GLCCI1: variants seen among roughly 807,000 people sequenced by gnomAD.
The protein encoded by GLCCI1 is glucocorticoid induced 1.
Under a neutral mutation model 52.2 loss-of-function variants are expected in GLCCI1, and 24 were observed. That is an observed-to-expected ratio of 0.46 (90% CI 0.33 to 0.65). GLCCI1 has a LOEUF of 0.65. Ranked by LOEUF, GLCCI1 falls within the 30% of genes least tolerant of loss-of-function variation. GLCCI1 has a pLI of 0.02. For synonymous variants in GLCCI1, 310 were observed against 276.5 expected, an observed-to-expected ratio of 1.12 and a Z score of -1.20; for missense variants, 704 against 701.5, an observed-to-expected ratio of 1.00 and a Z score of -0.04.
intron 1 of GLCCI1, among the ~76,000 whole-genome samples, chr7:7,978,871 A>G (rs1190229186): frequency 6.6e-6 from 1 of 152,202 alleles, no homozygotes; most frequent in Non-Finnish European, 1.5e-5. Flanking sequence ...TGATCTTTCT[A>G]TGAAGGTACA....
chr7:7,996,402 C>G (rs1398371676), intron 1 of GLCCI1, among the ~76,000 whole-genome samples: 2 of 151,858 alleles, frequency 1.3e-5, no homozygotes, highest in African/African-American at 4.8e-5. Context: ...AATCTTTTGC[C>G]ATATATGTAA....
At chr7:8,030,793 A>G (rs909369149) in intron 3 of GLCCI1, among the ~76,000 whole-genome samples, 12 of 152,168 alleles carry the variant, frequency 7.9e-5, no homozygotes, top group Non-Finnish European at 1.6e-4. Flanking sequence ...GGTGCTCAGC[A>G]TCATTGATTA....
intron 1 of GLCCI1, among the ~76,000 whole-genome samples, chr7:7,998,381 A>T (rs1027145429): frequency 7.2e-5 from 11 of 151,962 alleles, no homozygotes; most frequent in African/African-American, 2.7e-4. Context: ...ACGCCCAGCT[A>T]ATTTTTGTAC....
intron 1 of GLCCI1, among the ~76,000 whole-genome samples, chr7:7,998,311 G>A (rs1780983626): frequency 2.0e-5 from 3 of 151,882 alleles, no homozygotes; most frequent in Non-Finnish European, 2.9e-5. Flanking sequence ...CCGCCTTTCG[G>A]GTCAAGCAAT....
chr7:7,985,334 A>G lies in GLCCI1; in HGVS notation c.457+15527A>G, dbSNP rs184182947. Among the ~76,000 whole-genome samples the G allele has an allele frequency of 1.4e-4, 21 of 152,290 alleles. No individual in the cohort carries two copies. In the East Asian group the frequency reaches 2.9e-3, roughly 21 times the overall value. On this transcript the variant is annotated intron_variant, in intron 1 of 7. Transcript: ENST00000223145. ...AGTTCACATTCCTTTTTCAGCAATC[A>G]CTGGATAATCCCTGGCTCCTGACAT...
intron 1 of GLCCI1, among the ~76,000 whole-genome samples, chr7:7,996,510 A>T (rs1033550906): frequency 6.6e-6 from 1 of 152,056 alleles, no homozygotes; most frequent in Non-Finnish European, 1.5e-5. Context: ...CATATTAGTG[A>T]AGTTTTCTTT....
In GLCCI1 at chr7:8,022,567, G is replaced by C; in HGVS notation, c.694G>C (p.Glu232Gln). Reference sequence around the variant, plus strand: ...ATGGGGGAGTGCTGATCAACTAAAAGAGGTAAGTTATTTCTGTTTTCCGTC... The same window carrying C: ...ATGGGGGAGTGCTGATCAACTAAAACAGGTAAGTTATTTCTGTTTTCCGTC... ...ASWGSADQLKEQIAKLRQQLQ... is the reference protein window; with the variant it reads ...ASWGSADQLKQQIAKLRQQLQ... Residue 232 changes from glutamate (E) to glutamine (Q), a missense_variant and splice_region_variant, in exon 3 of 8, where the codon GAG (glutamate) becomes CAG (glutamine). Physicochemically the swap from Glu to Gln is conservative, Grantham distance 29 (BLOSUM62 2). This residue lies in a region of GLCCI1 where 547 missense variants were observed against 524.8 expected (regional missense o/e 1.04). Transcript: ENST00000223145. 6.4e-7 allele frequency: 1 copy of C among 1,558,276 alleles called. No homozygotes were observed. The highest frequency in any genetic ancestry group is 1.4e-5 in the African/African-American group (1 of 72,268).
At chr7:8,072,417 G>A (rs1584020590) in intron 6 of GLCCI1, among the ~76,000 whole-genome samples, 1 of 152,064 alleles carries the variant, frequency 6.6e-6, no homozygotes, top group African/African-American at 2.4e-5. Flanking sequence ...CCTTCATTAA[G>A]GATATATTGA....
At position 7,969,559 on chromosome 7, in the gene GLCCI1, A is replaced by C; in HGVS notation, c.209A>C (p.Tyr70Ser). Residue 70 changes from tyrosine (Y) to serine (S), a missense_variant, in exon 1 of 8, where the codon TAC (tyrosine) becomes TCC (serine). Physicochemically the swap from Tyr to Ser is moderately radical, Grantham distance 144. Coordinates refer to ENST00000223145, the MANE Select transcript of GLCCI1 (RefSeq NM_138426.4). This position sits in a 1 kb window ranked among gnomAD's most constrained non-coding sequence, Gnocchi z 4.9. ...CAGCCCATCCGCGCCACGGTGCCCT[A>C]CCAGCTCTTGCGGGGCAGCCAGCAC... ...LLQPIRATVP[Y>S]QLLRGSQHSP... The C allele has an allele frequency of 1.0e-6, 1 of 1,003,650 alleles. No individual in the cohort carries two copies. Among genetic ancestry groups the C allele is most frequent in the Non-Finnish European group, 1.2e-6 (1 of 843,476 alleles). The allele number at this position is 1,003,650 out of a possible 1,614,324, so 62.2% of individuals were successfully genotyped here.
Position 8,042,624 on chromosome 7 carries a change from C to T in GLCCI1, c.697-12809C>T, listed in dbSNP as rs563847688. Among the ~76,000 whole-genome samples the T allele has an allele frequency of 2.6e-5, 4 of 152,302 alleles. No individual in the cohort carries two copies. The South Asian group carries it at 8.3e-4, about 32-fold the overall frequency. Reference sequence around the variant, plus strand: ...TTGAGACCAGGGCAACATAGCAAGACCCTGTCTCTTTGAAAAATAGAAGTG... The same window carrying T: ...TTGAGACCAGGGCAACATAGCAAGATCCTGTCTCTTTGAAAAATAGAAGTG... On this transcript the variant is annotated intron_variant, in intron 3 of 7. Coordinates refer to ENST00000223145, the MANE Select transcript of GLCCI1 (RefSeq NM_138426.4).
In GLCCI1 at chr7:8,055,625, TA is replaced by T; in HGVS notation, c.813+83del. On this transcript the variant is annotated intron_variant, in intron 4 of 7. Transcript: ENST00000223145. ...GAAGGGAATTCATCATTTCAGCATTTAAAAAAACCCATAAATATTTAGCTCT... is the reference window on the plus strand; with the variant it reads ...GAAGGGAATTCATCATTTCAGCATTTAAAAAACCCATAAATATTTAGCTCT... 3.5e-6 allele frequency: 3 copies of T among 857,896 alleles called. No homozygotes were observed. In the South Asian group the frequency reaches 4.3e-5, roughly 12 times the overall value. The allele number at this position is 857,896 out of a possible 1,614,324, so 53.1% of individuals were successfully genotyped here.
intron 3 of GLCCI1, among the ~76,000 whole-genome samples, chr7:8,022,999 G>A (rs1043521867): frequency 1.3e-5 from 2 of 152,116 alleles, no homozygotes; most frequent in Non-Finnish European, 2.9e-5. Flanking sequence ...ACAATGGTAG[G>A]ATAGTGTTTT....
intron 4 of GLCCI1, among the ~76,000 whole-genome samples, chr7:8,058,644 A>G (rs1418805521): frequency 2.6e-5 from 4 of 152,228 alleles, no homozygotes; most frequent in Non-Finnish European, 4.4e-5. Context: ...AAAGTAAATC[A>G]TGATAGGTTA....
intron 3 of GLCCI1, among the ~76,000 whole-genome samples, chr7:8,046,682 G>A (rs1371778471): frequency 3.3e-5 from 5 of 152,114 alleles, no homozygotes; most frequent in Admixed American, 1.3e-4. Context: ...CTGAACCAAT[G>A]TATATCTCAA....
rs369164952 is a variant in GLCCI1 at position 8,060,268 on chromosome 7, T to A, written c.966+20T>A. 2 of 1,588,592 alleles carry A rather than the reference T, an allele frequency of 1.3e-6. No individual in the cohort carries two copies. ...TCCAAGGTAAGGTTACATGGGATATTTGAATCCTTTTTTTCTCTGATATAA... is the reference window on the plus strand; with the variant it reads ...TCCAAGGTAAGGTTACATGGGATATATGAATCCTTTTTTTCTCTGATATAA... On this transcript the variant is annotated intron_variant, in intron 5 of 7. Transcript: ENST00000223145.
intron 2 of GLCCI1, among the ~76,000 whole-genome samples, chr7:8,009,371 A>T (rs1362489597): frequency 1.3e-5 from 2 of 152,222 alleles, no homozygotes; most frequent in South Asian, 4.1e-4. Context: ...TTTAAATGCG[A>T]AAGTAATATA....
Position 7,969,265 on chromosome 7 carries a change from C to T in GLCCI1, c.-86C>T, listed in dbSNP as rs1309314697. ...CCTCCCCCTTACACACTCGCACGCA[C>T]TATCGCGCCGGCTCCCACACGCTCG... On this transcript the variant is annotated 5_prime_UTR_variant, in exon 1 of 8. Transcript: ENST00000223145. This position sits in a 1 kb window ranked among gnomAD's most constrained non-coding sequence, Gnocchi z 4.9. 3 of 1,228,428 alleles carry T rather than the reference C, an allele frequency of 2.4e-6. No homozygotes were observed. The highest frequency in any genetic ancestry group is 4.3e-5 in the East Asian group (1 of 23,092). The allele number at this position is 1,228,428 out of a possible 1,614,324, so 76.1% of individuals were successfully genotyped here.
At chr7:8,048,499 A>T (rs1190966436) in intron 3 of GLCCI1, among the ~76,000 whole-genome samples, 1 of 150,994 alleles carries the variant, frequency 6.6e-6, no homozygotes, top group African/African-American at 2.4e-5. Context: ...ATCCTACCGC[A>T]CTCTTTTCAG....
At chr7:8,070,864 C>T in intron 5 of GLCCI1, 57 bp from the exon 6 acceptor site, 1 of 1,438,150 alleles carries the variant, frequency 7.0e-7, no homozygotes, top group African/African-American at 1.4e-5. Flanking sequence ...TATGTGCTTT[C>T]TATGTAGATG....
Sources: gnomAD v4.1 joint callset for allele counts (sites outside exome capture counted in the v4.1 genomes callset) on GRCh38, gnomAD v4.1.1 for gene constraint, gnomAD v4.1.1 regional missense constraint, Gnocchi (gnomAD v3.1) non-coding constraint, MANE v1.5 for transcripts, NCBI Gene and HGNC (gene_info 2026-07-23, HGNC 2026-07-21) for gene names.